TGM3: variants seen among roughly 807,000 people sequenced by gnomAD.
TGM3 encodes the protein transglutaminase 3.
Under a neutral mutation model 73.8 loss-of-function variants are expected in TGM3, and 52 were observed. That is an observed-to-expected ratio of 0.70 (90% CI 0.56 to 0.89). The LOEUF is 0.89. Among genes scored for constraint, TGM3 ranks in the 40% least tolerant of loss-of-function variants. The probability of loss-of-function intolerance (pLI) is 0.00; values close to 1 mark genes in which losing one functional copy is unlikely to be tolerated. For synonymous variants in TGM3, 372 were observed against 354.9 expected (o/e 1.05, Z -0.54); for missense variants, 928 against 909.9 (o/e 1.02, Z -0.26).
rs574812889 is a variant in TGM3, at chr20:2,321,005, G to T, written c.983+3520G>T. Among the ~76,000 whole-genome samples, 4 of 152,258 alleles carry T rather than the reference G, an allele frequency of 2.6e-5. No homozygotes were observed. In the South Asian group the frequency reaches 8.3e-4, roughly 32 times the overall value. On this transcript the variant is annotated intron_variant, in intron 7 of 12. Transcript: ENST00000381458. ...AGTCAGGCAGTGCCTCCAGCTGTCA[G>T]CACCCACACCTCAGCCAAGCCCCTG...
chr20:2,325,102 G>A (rs45618934), intron 7 of TGM3, among the ~76,000 whole-genome samples: 18 of 152,048 alleles, frequency 1.2e-4, no homozygotes, highest in East Asian at 1.9e-4. Context: ...TTTTTTCCAC[G>A]TTGACTAGAA....
At chr20:2,298,218 T>A (rs1393508970) in intron 1 of TGM3, among the ~76,000 whole-genome samples, 3 of 152,162 alleles carry the variant, frequency 2.0e-5, no homozygotes, top group Non-Finnish European at 4.4e-5. Context: ...GGTTCCATTA[T>A]TCCACCCCTT....
chr20:2,326,042 C>A (rs1568630057), intron 8 of TGM3, 90 bp downstream of exon 8: 25 of 1,264,306 alleles, frequency 2.0e-5, no homozygotes, highest in Non-Finnish European at 2.7e-5. Context: ...CCAAAGCCCT[C>A]TCCCTCTGGA....
chr20:2,320,815 G>C (rs2084258674), intron 7 of TGM3, among the ~76,000 whole-genome samples: 2 of 152,156 alleles, frequency 1.3e-5, no homozygotes, highest in African/African-American at 4.8e-5. Flanking sequence ...CGAATGATTT[G>C]GAACAGTTTA....
chr20:2,311,003 T>A lies in TGM3; in HGVS notation c.422-8T>A, dbSNP rs776834330. On this transcript the variant is annotated splice_region_variant and splice_polypyrimidine_tract_variant and intron_variant, in intron 3 of 12. Transcript: ENST00000381458. ...TAGTCGCTGGTGTCTGCTTTTTGTA[T>A]CAAATAGTGGATAGCGTCTTTATGG... 2.5e-6 allele frequency: 4 copies of A among 1,611,368 alleles called. No individual in the cohort carries two copies. The highest frequency in any genetic ancestry group is 3.4e-6 in the Non-Finnish European group (4 of 1,177,610).
intron 1 of TGM3, among the ~76,000 whole-genome samples, chr20:2,309,217 A>C (rs904862277): frequency 2.6e-5 from 4 of 152,182 alleles, no homozygotes; most frequent in Non-Finnish European, 5.9e-5. Flanking sequence ...TCCACAAAGC[A>C]ATGAGAAATG....
intron 7 of TGM3, among the ~76,000 whole-genome samples, chr20:2,321,871 A>G (rs1377127778): frequency 1.3e-5 from 2 of 152,170 alleles, no homozygotes; most frequent in Admixed American, 1.3e-4. Context: ...TGAGGGAGGA[A>G]CCAGGATGCA....
At position 2,296,087 on chromosome 20, in the gene TGM3, T is replaced by C; in HGVS notation, c.7+17T>C. ...ACATGGCTGGTGAGTGCATGGCATC[T>C]TCTCCATCAGGTCCTTGCCAGAAGC... On this transcript the variant is annotated intron_variant, in intron 1 of 12. Transcript: ENST00000381458. 5.8e-6 allele frequency: 9 copies of C among 1,550,448 alleles called. No homozygotes were observed. The highest frequency in any genetic ancestry group is 7.8e-6 in the Non-Finnish European group (9 of 1,146,874).
Position 2,297,766 on chromosome 20 carries a change from G to A in TGM3, c.7+1696G>A, listed in dbSNP as rs142036719. ...AGGAAGTTCCCAATCAGTGTTTCTT[G>A]GATGAATGAATTTATTCACTGAACA... On this transcript the variant is annotated intron_variant, in intron 1 of 12. Transcript: ENST00000381458. 1.8e-4 allele frequency among the ~76,000 whole-genome samples: 27 copies of A among 152,254 alleles called. No homozygotes were observed. In the East Asian group the frequency reaches 5.0e-3, roughly 28 times the overall value.
rs775663590 is a variant in TGM3 at position 2,312,979 on chromosome 20, G to A, written c.622G>A (p.Ala208Thr). The A allele has an allele frequency of 1.4e-4, 228 of 1,614,082 alleles. No homozygotes were observed. Among genetic ancestry groups the A allele is most frequent in the Non-Finnish European group, 1.8e-4 (215 of 1,180,036 alleles). Residue 208 changes from alanine (A) to threonine (T), a missense_variant, in exon 5 of 13, where the codon GCC (alanine) becomes ACC (threonine). By Grantham distance (58) the Ala-to-Thr change is moderately conservative (BLOSUM62 0). Coordinates refer to ENST00000381458, the MANE Select transcript of TGM3 (RefSeq NM_003245.4). ...CCGCCGTGACGCTGCTACTGATGTG[G>A]CCAGCAGAAATGACCCCAAATACGT... ...NFRRDAATDV[A>T]SRNDPKYVGR...
chr20:2,328,293 A>G lies in TGM3; in HGVS notation c.1261A>G (p.Arg421Gly). 7 of 1,614,208 alleles carry G rather than the reference A, an allele frequency of 4.3e-6. No homozygotes were observed. Among genetic ancestry groups the G allele is most frequent in the Non-Finnish European group, 5.9e-6 (7 of 1,180,044 alleles). ...KNSVNSHTIGRYISTKAVGSN... is the reference protein window; with the variant it reads ...KNSVNSHTIGGYISTKAVGSN... ...TTCCGTGAACAGTCACACCATTGGC[A>G]GGTACATCAGCACCAAGGCGGTGGG... The change falls in exon 9 of 13, where the codon AGG becomes GGG. Residue 421 changes from arginine (R) to glycine (G), a missense_variant. Transcript: ENST00000381458. This position sits in a 1 kb window ranked among gnomAD's most constrained non-coding sequence, Gnocchi z 5.2.
At position 2,309,770 on chromosome 20, in the gene TGM3, T is replaced by A. The variant is rs781477181; in HGVS notation, c.121T>A (p.Leu41Ile). 6.2e-7 allele frequency: 1 copy of A among 1,614,220 alleles called. No individual in the cohort carries two copies. The highest frequency in any genetic ancestry group is 8.5e-7 in the Non-Finnish European group (1 of 1,180,034). The change falls in exon 2 of 13, where the codon TTA becomes ATA. Residue 41 changes from leucine to isoleucine, a missense_variant. By Grantham distance (5) the Leu-to-Ile change is conservative. Transcript: ENST00000381458. ...ILRRGQNFQV[L>I]MIMNKGLGSN... is the part of the protein sequence containing the mutation. Reference sequence around the variant, plus strand: ...GCGGAGAGGCCAAAACTTCCAGGTCTTAATGATCATGAACAAAGGCCTTGG... The same window carrying A: ...GCGGAGAGGCCAAAACTTCCAGGTCATAATGATCATGAACAAAGGCCTTGG...
intron 9 of TGM3, among the ~76,000 whole-genome samples, chr20:2,331,110 T>C (rs2084318816): frequency 6.6e-6 from 1 of 150,510 alleles, no homozygotes; most frequent in Non-Finnish European, 1.5e-5. Flanking sequence ...GGTGGGAGAA[T>C]GTAAGTGTGG....
intron 4 of TGM3, among the ~76,000 whole-genome samples, chr20:2,311,351 GT>G (rs2084202658): frequency 1.3e-5 from 2 of 152,160 alleles, no homozygotes; most frequent in African/African-American, 4.8e-5. Flanking sequence ...CTTTGAGGGG[GT>G]TGCAATCTAG....
At chr20:2,315,416 T>C (rs545895777) in intron 5 of TGM3, among the ~76,000 whole-genome samples, 2 of 152,318 alleles carry the variant, frequency 1.3e-5, no homozygotes, top group East Asian at 3.9e-4. Flanking sequence ...CTTCCATCTC[T>C]AAGGAGGCCC....
At chr20:2,304,505 C>T (rs968012755) in intron 1 of TGM3, among the ~76,000 whole-genome samples, 10 of 152,090 alleles carry the variant, frequency 6.6e-5, no homozygotes, top group African/African-American at 1.4e-4. Context: ...AGCAGGTGGA[C>T]GATGCAGCAT....
chr20:2,326,196 G>T (rs2084286917), intron 8 of TGM3, among the ~76,000 whole-genome samples: 1 of 152,246 alleles, frequency 6.6e-6, no homozygotes, highest in African/African-American at 2.4e-5. Context: ...CACAGGCCAG[G>T]TGGGCAGAGA....
At chr20:2,333,939 C>G (rs2084333978) in intron 10 of TGM3, among the ~76,000 whole-genome samples, 1 of 152,132 alleles carries the variant, frequency 6.6e-6, no homozygotes, top group South Asian at 2.1e-4. Flanking sequence ...ACATTTGGGG[C>G]AGGGATGGCA....
chr20:2,317,275 G>A (rs1470528341), intron 6 of TGM3, 30 bp downstream of exon 6: 1 of 1,613,608 alleles, frequency 6.2e-7, no homozygotes, highest in African/African-American at 1.3e-5. Context: ...CCTTGGCTGG[G>A]TCAGTGGGTG....
Sources: gnomAD v4.1 joint callset for allele counts (sites outside exome capture counted in the v4.1 genomes callset) on GRCh38, gnomAD v4.1.1 for gene constraint, Gnocchi (gnomAD v3.1) non-coding constraint, MANE v1.5 for transcripts, NCBI Gene and HGNC (gene_info 2026-07-23, HGNC 2026-07-21) for gene names.